STAM: variants seen among roughly 807,000 people sequenced by gnomAD.
The protein encoded by STAM is signal transducing adaptor molecule.
A neutral mutation model predicts 63.4 loss-of-function variants in STAM; 16 were observed. The observed-to-expected ratio is 0.25, with a 90% CI of 0.17 to 0.38. The LOEUF (loss-of-function observed/expected upper bound fraction) is 0.38. STAM is among the 10% of genes least tolerant of loss of function. The pLI, the probability that STAM is intolerant of heterozygous loss-of-function variation, is 1.00. For missense variants in STAM, 636 were observed against 657.1 expected (o/e 0.97, Z 0.35); for synonymous variants, 238 against 223.9 (o/e 1.06, Z -0.56).
chr10:17,648,306 C>T (rs1267075080), intron 1 of STAM, among the ~76,000 whole-genome samples: 11 of 152,110 alleles, frequency 7.2e-5, no homozygotes, highest in Non-Finnish European at 1.5e-5. Context: ...TAAAATGCAC[C>T]AATCAGTGCT....
intron 2 of STAM, among the ~76,000 whole-genome samples, chr10:17,675,707 T>G (rs1317575326): frequency 4.6e-5 from 7 of 152,218 alleles, no homozygotes; most frequent in Non-Finnish European, 8.8e-5. Context: ...ACTTTATTCC[T>G]AAAGCCTTGC....
chr10:17,714,486 C>T, intron 13 of STAM, 57 bp from the exon 14 acceptor site: 1 of 1,482,640 alleles, frequency 6.7e-7, no homozygotes, highest in Non-Finnish European at 9.4e-7. Flanking sequence ...TTCCATTTAT[C>T]TGTAGTTGCT....
intron 1 of STAM, among the ~76,000 whole-genome samples, chr10:17,652,816 G>C (rs1173182540): frequency 6.6e-6 from 1 of 152,114 alleles, no homozygotes; most frequent in East Asian, 1.9e-4. Context: ...GGCTTTAGAG[G>C]GGTTGAGTAC....
In STAM at chr10:17,716,524, C is replaced by T. The variant is rs973199891; in HGVS notation, c.*1744C>T. ...AAGTTAGTTTTTGATAAATATCTGTCGGATTATAATCTTTTCCACTCCAAT... is the reference window on the plus strand; with the variant it reads ...AAGTTAGTTTTTGATAAATATCTGTTGGATTATAATCTTTTCCACTCCAAT... On this transcript the variant is annotated 3_prime_UTR_variant, in exon 14 of 14. Transcript: ENST00000377524. Among the ~76,000 whole-genome samples the T allele has an allele frequency of 9.2e-5, 14 of 152,000 alleles. No homozygotes were observed. The highest frequency in any genetic ancestry group is 3.1e-4 in the African/African-American group (13 of 41,382).
intron 2 of STAM, among the ~76,000 whole-genome samples, chr10:17,668,550 A>G (rs1405253608): frequency 1.3e-5 from 2 of 152,208 alleles, no homozygotes; most frequent in South Asian, 2.1e-4. Context: ...AATGCCACGT[A>G]TCTGTCATTA....
chr10:17,646,909 G>A (rs551502021), intron 1 of STAM, among the ~76,000 whole-genome samples: 2 of 152,198 alleles, frequency 1.3e-5, no homozygotes, highest in East Asian at 3.9e-4. Context: ...CTTAACACTC[G>A]TATACATTTG....
intron 2 of STAM, among the ~76,000 whole-genome samples, chr10:17,664,800 T>C (rs949932695): frequency 1.2e-4 from 18 of 152,154 alleles, no homozygotes; most frequent in African/African-American, 4.1e-4. Context: ...AAAATTATTA[T>C]TGCTATTTGG....
intron 2 of STAM, among the ~76,000 whole-genome samples, chr10:17,660,900 A>G (rs1554822822): frequency 6.6e-6 from 1 of 152,208 alleles, no homozygotes; most frequent in East Asian, 1.9e-4. Context: ...CATGGCTGGT[A>G]AAAAGTTGAT....
intron 2 of STAM, among the ~76,000 whole-genome samples, chr10:17,663,069 A>G (rs1302933970): frequency 6.6e-6 from 1 of 152,186 alleles, no homozygotes; most frequent in Non-Finnish European, 1.5e-5. Flanking sequence ...TTGTTTGTCA[A>G]AAGGCAAACC....
At chr10:17,706,843 C>G (rs1836307742) in intron 12 of STAM, among the ~76,000 whole-genome samples, 1 of 152,040 alleles carries the variant, frequency 6.6e-6, no homozygotes, top group African/African-American at 2.4e-5. Flanking sequence ...AGAAAACTCT[C>G]TTAAATATCT....
chr10:17,660,379 C>A, intron 1 of STAM, 85 bp from the exon 2 acceptor site: 1 of 872,660 alleles, frequency 1.1e-6, no homozygotes, highest in Non-Finnish European at 1.8e-6. Flanking sequence ...CTTGATTATA[C>A]TATAGTTTTG....
At chr10:17,713,568 A>C (rs1554830302) in intron 13 of STAM, among the ~76,000 whole-genome samples, 3 of 150,716 alleles carry the variant, frequency 2.0e-5, no homozygotes, top group African/African-American at 7.3e-5. Context: ...GTGAATGGCC[A>C]CTCTACCAGT....
chr10:17,669,784 G>T (rs1361312435), intron 2 of STAM, among the ~76,000 whole-genome samples: 2 of 149,312 alleles, frequency 1.3e-5, no homozygotes, highest in African/African-American at 2.5e-5. Context: ...CGCAAATGCC[G>T]CCTCCCAGGT....
At chr10:17,660,398 A>G (rs2131582421) in intron 1 of STAM, 66 bp from the exon 2 acceptor site, 1 of 1,080,102 alleles carries the variant, frequency 9.3e-7, no homozygotes, top group Middle Eastern at 2.1e-4. Context: ...TGTGATTTAA[A>G]TGTGATTATG....
At chr10:17,702,026 C>T (rs572211163) in intron 9 of STAM, among the ~76,000 whole-genome samples, 7 of 151,886 alleles carry the variant, frequency 4.6e-5, no homozygotes, top group South Asian at 4.2e-4. Flanking sequence ...CAGAAGATAC[C>T]GAAAGAACTT....
intron 5 of STAM, among the ~76,000 whole-genome samples, chr10:17,691,162 T>TTTTA (rs1835513447): frequency 2.6e-5 from 4 of 152,188 alleles, no homozygotes; most frequent in Non-Finnish European, 5.9e-5. Context: ...AGGTCAGAAT[T>TTTTA]GAGAGTGTTT....
chr10:17,648,018 CA>C (rs1554821085), intron 1 of STAM, among the ~76,000 whole-genome samples: 187 of 152,312 alleles, frequency 1.2e-3, no homozygotes, highest in African/African-American at 4.3e-3. Context: ...CAGTAGACGA[CA>C]ACATGATTAC....
intron 2 of STAM, among the ~76,000 whole-genome samples, chr10:17,679,068 ATGGGTGTACGGATAT>A (rs1834972926): frequency 1.3e-5 from 2 of 152,150 alleles, no homozygotes; most frequent in South Asian, 4.1e-4. Flanking sequence ...TACTCTGAAC[ATGGGTGTACGGATAT>A]TGGTTAGAGT....
At chr10:17,699,003 G>T (rs1661343107) in intron 8 of STAM, among the ~76,000 whole-genome samples, 1 of 152,092 alleles carries the variant, frequency 6.6e-6, no homozygotes, top group African/African-American at 2.4e-5. Flanking sequence ...TTCTTAGGTT[G>T]GAAATTAAGC....
Sources: allele counts gnomAD v4.1 joint callset (sites outside exome capture counted in the v4.1 genomes callset), GRCh38; gene constraint gnomAD v4.1.1; transcripts MANE v1.5; gene names NCBI Gene and HGNC (gene_info 2026-07-23, HGNC 2026-07-21).